PISD: variants seen among roughly 807,000 people sequenced by gnomAD.
PISD encodes phosphatidylserine decarboxylase proenzyme, mitochondrial.
In PISD, 31 loss-of-function variants were observed where a neutral mutation model predicts 43.5. That is an observed-to-expected ratio of 0.71 (90% CI 0.54 to 0.96). PISD has a LOEUF of 0.96. Ranked by LOEUF, PISD falls within the 40% of genes least tolerant of loss-of-function variation. The pLI is 0.00. For synonymous variants in PISD, 259 were observed against 228.7 expected (o/e 1.13, Z -1.20); for missense variants, 523 against 548.4 (o/e 0.95, Z 0.46).
chr22:31,650,526 CA>C (rs200466585), intron 2 of PISD, among the ~76,000 whole-genome samples, 172 bp downstream of exon 2: 301 of 107,456 alleles, frequency 2.8e-3, no homozygotes, highest in South Asian at 5.5e-3. Flanking sequence ...AAGACTGTCT[CA>C]AAAAAAAAAA....
rs1041897277 is a variant in PISD, at chr22:31,630,192, C to T, written c.322-8307G>A. 6.6e-6 allele frequency among the ~76,000 whole-genome samples: 1 copy of T among 152,068 alleles called. No individual in the cohort carries two copies. The highest frequency in any genetic ancestry group is 1.9e-4 in the East Asian group (1 of 5,180). ...AGTCAGTGGCAGGCAGCCCAGGAGG[C>T]CCTGGGAAGAGGGCAGGCAGGACTC... On this transcript the variant is annotated intron_variant, in intron 3 of 7. Transcript: ENST00000439502. This position sits in a 1 kb window ranked among gnomAD's most constrained non-coding sequence, Gnocchi z 4.4.
chr22:31,628,141 T>C, intron 3 of PISD: 6 of 985,518 alleles, frequency 6.1e-6, no homozygotes, highest in Non-Finnish European at 7.2e-6. Flanking sequence ...CCCCAGAAGA[T>C]CGCCAGGGAG....
intron 3 of PISD, chr22:31,626,356 G>C (rs565186705): frequency 6.5e-6 from 1 of 154,308 alleles, no homozygotes; most frequent in South Asian, 2.0e-4. Context: ...CCAGCACCGC[G>C]TCAGCCGGTC....
intron 3 of PISD, chr22:31,629,004 GATAGGACCGT>G: frequency 1.0e-6 from 1 of 985,400 alleles, no homozygotes; most frequent in Non-Finnish European, 1.2e-6. Flanking sequence ...AACAATGGCT[GATAGGACCGT>G]ATAGGGGGTA....
chr22:31,634,277 G>C (rs1311834740), intron 3 of PISD, among the ~76,000 whole-genome samples: 1 of 152,216 alleles, frequency 6.6e-6, no homozygotes, highest in Non-Finnish European at 1.5e-5. Context: ...TTAACGGCTA[G>C]TACAAGAAAC....
In PISD at chr22:31,621,135, C is replaced by T. The variant is rs761449484; in HGVS notation, c.705G>A (p.Ser235=). The change falls in exon 6 of 8, where the codon TCG becomes TCA. Residue 235 remains serine (S), a synonymous_variant. Transcript: ENST00000439502. Reference sequence around the variant, plus strand: ...CCAGCTGGTTCTTGAAGGAGTCACACGACGCGGCTGTGGAGTAGGAGCAGA... The same window carrying T: ...CCAGCTGGTTCTTGAAGGAGTCACATGACGCGGCTGTGGAGTAGGAGCAGA... ...TEDLPFPPAA[S]CDSFKNQLVT... 7.4e-6 allele frequency: 12 copies of T among 1,614,044 alleles called. No individual in the cohort carries two copies. The highest frequency in any genetic ancestry group is 4.4e-5 in the South Asian group (4 of 91,088).
intron 3 of PISD, among the ~76,000 whole-genome samples, chr22:31,636,105 G>A (rs1258996572): frequency 3.9e-5 from 6 of 152,186 alleles, no homozygotes; most frequent in Admixed American, 3.3e-4. Flanking sequence ...CAGGTACACC[G>A]CGGCGCCAGG....
At chr22:31,626,493 GCTCTGGCTCTCTCCTCACCC>G (rs80083937) in intron 3 of PISD, among the ~76,000 whole-genome samples, 6,641 of 152,248 alleles carry the variant, frequency 0.044, 130 homozygotes, top group Non-Finnish European at 0.049. Flanking sequence ...CATCTTACCT[GCTCTGGCTCTCTCCTCACCC>G]CTCCTGGCCT....
At position 31,620,754 on chromosome 22, in the gene PISD, C is replaced by T. The variant is rs749786832; in HGVS notation, c.845-41G>A. 2.2e-5 allele frequency: 35 copies of T among 1,609,590 alleles called. No individual in the cohort carries two copies. The East Asian group carries it at 3.8e-4, about 17-fold the overall frequency. The stretch of plus-strand genomic sequence containing the variant: ...ATGCCGCTACTCCCCGTCCAGAGCC[C>T]GGTGTGTCCACCCCATGGCAGCCAA... On this transcript the variant is annotated intron_variant, in intron 6 of 7. Coordinates refer to ENST00000439502, the MANE Select transcript of PISD (RefSeq NM_001326411.2).
At chr22:31,641,038 C>T (rs2073709510) in intron 3 of PISD, among the ~76,000 whole-genome samples, 1 of 151,202 alleles carries the variant, frequency 6.6e-6, no homozygotes, top group Admixed American at 6.6e-5. Flanking sequence ...CAAGTATGCA[C>T]CACCACTCCC....
In PISD at chr22:31,650,842, G is replaced by A. The variant is rs191988755; in HGVS notation, c.66-64C>T. The A allele has an allele frequency of 4.0e-3, 4,244 of 1,063,210 alleles. 23 individuals carry two copies. The highest frequency in any genetic ancestry group is 4.7e-3 in the Non-Finnish European group (3,373 of 719,178). The allele number at this position is 1,063,210 out of a possible 1,614,324, so 65.9% of individuals were successfully genotyped here. ...TAAAATTAAAATTACTGGATTAATC[G>A]GCAAAATTTAAACACTCAATAACAA... On this transcript the variant is annotated intron_variant, in intron 1 of 7. Transcript: ENST00000439502.
chr22:31,659,704 G>T (rs1569494443), intron 1 of PISD, among the ~76,000 whole-genome samples: 1 of 151,836 alleles, frequency 6.6e-6, no homozygotes, highest in East Asian at 1.9e-4. Flanking sequence ...AGATTCTCCT[G>T]CCTCAACCTC....
At chr22:31,641,673 A>T (rs1215693242) in intron 3 of PISD, among the ~76,000 whole-genome samples, 1 of 150,790 alleles carries the variant, frequency 6.6e-6, no homozygotes, top group African/African-American at 2.5e-5. Flanking sequence ...CAAAAAAATT[A>T]GCCAGGTGTG....
chr22:31,640,199 C>CT (rs35782790), intron 3 of PISD, among the ~76,000 whole-genome samples: 32,072 of 139,280 alleles, frequency 0.23, 4,570 homozygotes, highest in African/African-American at 0.4. Flanking sequence ...TTTCAAGCTA[C>CT]TTTTTTTTTT....
Position 31,621,066 on chromosome 22 carries a change from C to T in PISD, c.774G>A (p.Leu258=). 1 of 1,614,072 alleles carries T rather than the reference C, an allele frequency of 6.2e-7. No homozygotes were observed. The highest frequency in any genetic ancestry group is 1.6e-4 in the Middle Eastern group (1 of 6,062). The change falls in exon 6 of 8, where the codon CTG becomes CTA. Residue 258 remains leucine (L), a synonymous_variant. Transcript: ENST00000439502. The part of the protein sequence containing the change: ...GNELYHCVIY[L]APGDYHCFHS... ...GGAAGCAGTGGTAGTCCCCAGGGGC[C>T]AGGTAGATGACACAGTGATAGAGCT...
At chr22:31,628,856 T>C (rs2073048882) in intron 3 of PISD, 1 of 985,290 alleles carries the variant, frequency 1.0e-6, no homozygotes, top group African/African-American at 1.7e-5. Context: ...ACCTCACCTC[T>C]CTTTCCAAAA....
chr22:31,657,666 G>A (rs1377705834), intron 1 of PISD, among the ~76,000 whole-genome samples: 7 of 151,978 alleles, frequency 4.6e-5, no homozygotes. Context: ...GGGATTACAG[G>A]AGCACACCAC....
intron 1 of PISD, among the ~76,000 whole-genome samples, chr22:31,659,782 G>A (rs1179988260): frequency 5.9e-5 from 9 of 151,842 alleles, no homozygotes; most frequent in Admixed American, 5.9e-4. Flanking sequence ...CGGGGTTTCA[G>A]CATGTTGGCC....
At chr22:31,632,232 G>A in intron 3 of PISD, 2 of 985,318 alleles carry the variant, frequency 2.0e-6, no homozygotes, top group Non-Finnish European at 2.4e-6. Context: ...GCCCTGGGAT[G>A]CGGCAGGGGG....
Sources: gnomAD v4.1 joint callset for allele counts (sites outside exome capture counted in the v4.1 genomes callset) on GRCh38, gnomAD v4.1.1 for gene constraint, Gnocchi (gnomAD v3.1) non-coding constraint, MANE v1.5 for transcripts, NCBI Gene and HGNC (gene_info 2026-07-23, HGNC 2026-07-21) for gene names.